Variants in NFATC2 observed in about 807,000 individuals in gnomAD.
The protein encoded by NFATC2 is nuclear factor of activated T cells 2.
Under a neutral mutation model 87.3 loss-of-function variants are expected in NFATC2, and 22 were observed. The ratio of observed to expected loss-of-function variants is 0.25; its 90% CI spans 0.18 to 0.36. NFATC2 has a LOEUF of 0.36. NFATC2 is among the 10% of genes least tolerant of loss of function. The probability of loss-of-function intolerance (pLI) is 1.00; values close to 1 mark genes in which losing one functional copy is unlikely to be tolerated. For missense variants in NFATC2, 1,149 were observed against 1,259.1 expected, an observed-to-expected ratio of 0.91 and a Z score of 1.32; for synonymous variants, 565 against 542.2, an observed-to-expected ratio of 1.04 and a Z score of -0.58.
chr20:51,466,450 G>A (rs563655038), intron 5 of NFATC2, among the ~76,000 whole-genome samples: 2 of 152,212 alleles, frequency 1.3e-5, no homozygotes, highest in South Asian at 2.1e-4. Flanking sequence ...GGGATAAAAC[G>A]GAAGGTGTGC....
chr20:51,433,731 G>A (rs965946853), intron 8 of NFATC2, among the ~76,000 whole-genome samples: 2 of 150,762 alleles, frequency 1.3e-5, no homozygotes, highest in Non-Finnish European at 2.9e-5. Context: ...GCATGTGTGT[G>A]TGCGCATGCG....
intron 3 of NFATC2, among the ~76,000 whole-genome samples, chr20:51,510,127 T>C (rs2076249262): frequency 6.6e-6 from 1 of 152,238 alleles, no homozygotes; most frequent in Non-Finnish European, 1.5e-5. Context: ...GGCGTTCTGA[T>C]TATTCTTTCC....
chr20:51,503,023 T>C (rs1039894731), intron 3 of NFATC2, among the ~76,000 whole-genome samples: 2 of 152,204 alleles, frequency 1.3e-5, no homozygotes, highest in Non-Finnish European at 2.9e-5. Context: ...CTGAGCAGTA[T>C]GCCAAATCCT....
At chr20:51,472,629 CTTTTTT>C (rs1223762055) in intron 5 of NFATC2, among the ~76,000 whole-genome samples, 3 of 92,732 alleles carry the variant, frequency 3.2e-5, no homozygotes, top group African/African-American at 4.4e-5. Context: ...CTTCTTTCTT[CTTTTTT>C]TTTTTTTTTT....
chr20:51,421,814 G>A (rs552837017), intron 9 of NFATC2, among the ~76,000 whole-genome samples: 1 of 152,160 alleles, frequency 6.6e-6, no homozygotes, highest in Non-Finnish European at 1.5e-5. Flanking sequence ...GCGAAATGCA[G>A]CCCATGGAGC....
intron 5 of NFATC2, among the ~76,000 whole-genome samples, chr20:51,471,719 G>A (rs1398929882): frequency 6.6e-6 from 1 of 152,208 alleles, no homozygotes; most frequent in Non-Finnish European, 1.5e-5. Flanking sequence ...CTCTTCTGCA[G>A]AAAATACGCT....
chr20:51,496,799 AC>A (rs2075995987), intron 3 of NFATC2, among the ~76,000 whole-genome samples: 1 of 152,076 alleles, frequency 6.6e-6, no homozygotes, highest in South Asian at 2.1e-4. Context: ...TCCCCTTGTG[AC>A]CTCAATTATT....
At chr20:51,454,415 G>T in intron 6 of NFATC2, 133 bp downstream of exon 6, 2 of 852,332 alleles carry the variant, frequency 2.3e-6, no homozygotes, top group Non-Finnish European at 3.6e-6. Context: ...CTGAAGACAC[G>T]CTGAGTAAAA....
chr20:51,417,955 C>T (rs6096422), intron 9 of NFATC2, among the ~76,000 whole-genome samples: 10,208 of 152,260 alleles, frequency 0.067, 1,114 homozygotes, highest in African/African-American at 0.23. Context: ...CGCGGGGCAC[C>T]GGGCAGTCCG....
In NFATC2 at chr20:51,480,159, G is replaced by A. The variant is rs764716899; in HGVS notation, c.1333-4499C>T. Among the ~76,000 whole-genome samples, 17 of 152,050 alleles carry A rather than the reference G, an allele frequency of 1.1e-4. No homozygotes were observed. The highest frequency in any genetic ancestry group is 1.6e-4 in the Non-Finnish European group (11 of 67,998). On this transcript the variant is annotated intron_variant, in intron 3 of 10. Transcript: ENST00000371564. The surrounding 1 kb of genome is among the most constrained non-coding windows in gnomAD (Gnocchi z 4.2). ...AAAAATTAGCCAGGTATGGTGGCAC[G>A]TGCCTGTAATCCCAGCTACTCAGGA...
intron 5 of NFATC2, among the ~76,000 whole-genome samples, chr20:51,466,241 C>CG (rs1450800425): frequency 6.6e-6 from 1 of 152,036 alleles, no homozygotes; most frequent in African/African-American, 2.4e-5. Flanking sequence ...TTAGTAGAGA[C>CG]GGGGTTTCGC....
intron 1 of NFATC2, among the ~76,000 whole-genome samples, chr20:51,528,858 C>T (rs968286727): frequency 6.6e-6 from 1 of 152,198 alleles, no homozygotes; most frequent in Non-Finnish European, 1.5e-5. Context: ...GGCCTCAACA[C>T]CTTCTCATTT....
At chr20:51,477,558 TATATATATATATATATATATATAA>T (rs1346257855) in intron 3 of NFATC2, among the ~76,000 whole-genome samples, 2 of 122,000 alleles carry the variant, frequency 1.6e-5, no homozygotes, top group South Asian at 2.6e-4. Flanking sequence ...TATATATATA[TATATATATATATATATATATATAA>T]AATAACAAGA....
chr20:51,515,480 A>G (rs766827733), intron 3 of NFATC2, among the ~76,000 whole-genome samples: 7 of 152,242 alleles, frequency 4.6e-5, no homozygotes, highest in Non-Finnish European at 1.0e-4. Flanking sequence ...ATCAAGTTAG[A>G]TACACCTTGT....
In NFATC2 at chr20:51,527,855, G is replaced by A. The variant is rs371041499; in HGVS notation, c.131-3745C>T. On this transcript the variant is annotated intron_variant, in intron 1 of 10. Coordinates refer to ENST00000371564, the MANE Select transcript of NFATC2 (RefSeq NM_012340.5). ...GTGGCTCACACCTGGAATCCCAACC[G>A]TTTGGGAGACAGAGGTAGGAAGATT... is the stretch of plus-strand genomic sequence containing the variant. 6.6e-5 allele frequency among the ~76,000 whole-genome samples: 10 copies of A among 152,132 alleles called. No individual in the cohort carries two copies. The South Asian group carries it at 1.5e-3, about 22-fold the overall frequency.
At chr20:51,448,609 G>A (rs933528188) in intron 6 of NFATC2, among the ~76,000 whole-genome samples, 1 of 152,080 alleles carries the variant, frequency 6.6e-6, no homozygotes, top group Non-Finnish European at 1.5e-5. Context: ...GCGCACTCGC[G>A]CCACGCCACT....
chr20:51,432,002 C>T lies in NFATC2; in HGVS notation c.2722+65G>A, dbSNP rs190866258. ...CGGAATCCGTAGGCCATGCAGTGAA[C>T]TTCCTGGGCAGAGATGCTTCAGGGC... On this transcript the variant is annotated intron_variant, in intron 9 of 10. Coordinates refer to ENST00000371564, the MANE Select transcript of NFATC2 (RefSeq NM_012340.5). This position sits in a 1 kb window ranked among gnomAD's most constrained non-coding sequence, Gnocchi z 4.6. 15 of 1,474,930 alleles carry T rather than the reference C, an allele frequency of 1.0e-5. No individual in the cohort carries two copies. The East Asian group carries it at 3.4e-4, about 34-fold the overall frequency. The allele number at this position is 1,474,930 out of a possible 1,614,324, so 91.4% of individuals were successfully genotyped here.
At chr20:51,425,657 G>T (rs1981698093) in intron 9 of NFATC2, among the ~76,000 whole-genome samples, 2 of 152,238 alleles carry the variant, frequency 1.3e-5, no homozygotes, top group Admixed American at 6.5e-5. Context: ...GCACTGAGGG[G>T]CCCTAGTGAA....
intron 1 of NFATC2, among the ~76,000 whole-genome samples, chr20:51,534,442 C>T (rs966836954): frequency 6.6e-6 from 1 of 152,236 alleles, no homozygotes; most frequent in Non-Finnish European, 1.5e-5. Context: ...TCAAGCAATT[C>T]TCCTGCCTCA....
Sources: gnomAD v4.1 joint callset for allele counts (sites outside exome capture counted in the v4.1 genomes callset) on GRCh38, gnomAD v4.1.1 for gene constraint, Gnocchi (gnomAD v3.1) non-coding constraint, MANE v1.5 for transcripts, NCBI Gene and HGNC (gene_info 2026-07-23, HGNC 2026-07-21) for gene names.